Variants in FRMD4B observed in about 807,000 individuals in gnomAD.
FRMD4B encodes FERM domain-containing protein 4B.
Under a neutral mutation model 141.5 loss-of-function variants are expected in FRMD4B, and 74 were observed. That is an observed-to-expected ratio of 0.52 (90% CI 0.43 to 0.63). The LOEUF (loss-of-function observed/expected upper bound fraction) is 0.63. FRMD4B is among the 30% of genes least tolerant of loss of function. FRMD4B has a pLI of 0.00. For synonymous variants in FRMD4B, 506 were observed against 467.9 expected, an observed-to-expected ratio of 1.08 and a Z score of -1.05; for missense variants, 1,366 against 1,253.4, an observed-to-expected ratio of 1.09 and a Z score of -1.36.
chr3:69,312,194 A>C (rs748219269), intron 2 of FRMD4B, among the ~76,000 whole-genome samples: 23 of 152,166 alleles, frequency 1.5e-4, no homozygotes, highest in Non-Finnish European at 2.5e-4. Flanking sequence ...CTGGAGTGAT[A>C]ATTGATGCTG....
chr3:69,250,078 C>T lies in FRMD4B; in HGVS notation c.523G>A (p.Glu175Lys), dbSNP rs199692961. ...VHKGQIEVES[E>K]TIFKLAAFIL... ...AACGCTGCTAACTTGAAGATGGTTT[C>T]GCTCTCTACTTCGATTTGCCCCTGT... is the stretch of plus-strand genomic sequence containing the variant. Residue 175 changes from glutamate (E) to lysine (K), a missense_variant, in exon 6 of 23, where the codon GAA becomes AAA. Transcript: ENST00000398540. 2.0e-4 allele frequency: 318 copies of T among 1,611,072 alleles called. 1 individual carries two copies. The highest frequency in any genetic ancestry group is 1.6e-3 in the South Asian group (146 of 91,038).
chr3:69,507,036 C>A (rs1354392664), intron 1 of FRMD4B, among the ~76,000 whole-genome samples: 2 of 152,026 alleles, frequency 1.3e-5, no homozygotes, highest in Admixed American at 1.3e-4. Flanking sequence ...GAGTGTGGAC[C>A]TTCATAGAGA....
rs1704236024 is a variant in FRMD4B at position 69,385,769 on chromosome 3, C to A, written c.162+59G>T. Reference sequence around the variant, plus strand: ...AATAAAATCATACAGGTGGAGCCTGCTTCCCACGAGTGCCCGGCATCCTGC... The same window carrying A: ...AATAAAATCATACAGGTGGAGCCTGATTCCCACGAGTGCCCGGCATCCTGC... On this transcript the variant is annotated intron_variant, in intron 1 of 22. Coordinates refer to ENST00000398540, the MANE Select transcript of FRMD4B (RefSeq NM_015123.3). 3 of 1,401,384 alleles carry A rather than the reference C, an allele frequency of 2.1e-6. No homozygotes were observed. The East Asian group carries it at 8.1e-5, about 38-fold the overall frequency. The allele number at this position is 1,401,384 out of a possible 1,614,324, so 86.8% of individuals were successfully genotyped here. A position where few individuals can be genotyped will look rare whatever the true frequency, so the allele number is the denominator to read the frequency against.
chr3:69,173,410 A>T (rs2092608876), intron 22 of FRMD4B, among the ~76,000 whole-genome samples: 2 of 152,306 alleles, frequency 1.3e-5, no homozygotes, highest in Admixed American at 6.5e-5. Context: ...TATACACTTT[A>T]TTTAAAAAAA....
Position 69,188,697 on chromosome 3 carries a change from C to T in FRMD4B, c.1772-780G>A, listed in dbSNP as rs373537481. ...GCGTGAACCCGGGAAGCGGAGCTTG[C>T]AGTGAGCCGAGATTGCGCCACTGCA... On this transcript the variant is annotated intron_variant, in intron 18 of 22. Transcript: ENST00000398540. Among the ~76,000 whole-genome samples, 724 of 142,690 alleles carry T rather than the reference C, an allele frequency of 5.1e-3. 8 individuals carry two copies. The highest frequency in any genetic ancestry group is 0.018 in the African/African-American group (699 of 37,966). The allele number at this position is 142,690 out of a possible 152,430, so 93.6% of individuals were successfully genotyped here. A position where few individuals can be genotyped will look rare whatever the true frequency, so the allele number is the denominator to read the frequency against.
chr3:69,304,310 C>T (rs1436234853), intron 3 of FRMD4B, among the ~76,000 whole-genome samples: 1 of 151,838 alleles, frequency 6.6e-6, no homozygotes, highest in African/African-American at 2.4e-5. Context: ...ATGGTGAAAC[C>T]CTGTCTCTAC....
Position 69,234,707 on chromosome 3 carries a change from G to A in FRMD4B, c.582-10017C>T, listed in dbSNP as rs575687687. ...TTGTACCCTCGTACCCTGGCCAGCA[G>A]CATCAACATTATCGGATGACTTTCT... On this transcript the variant is annotated intron_variant, in intron 7 of 22. Coordinates refer to ENST00000398540, the MANE Select transcript of FRMD4B (RefSeq NM_015123.3). Among the ~76,000 whole-genome samples the A allele has an allele frequency of 3.8e-4, 58 of 152,292 alleles. 1 individual carries two copies. Among genetic ancestry groups the A allele is most frequent in the African/African-American group, 1.2e-3 (48 of 41,580 alleles).
rs964967396 is a variant in FRMD4B at position 69,216,193 on chromosome 3, G to A, written c.876+70C>T. 7.2e-5 allele frequency: 61 copies of A among 851,756 alleles called. No individual in the cohort carries two copies. The African/African-American group carries it at 9.1e-4, about 13-fold the overall frequency. The allele number at this position is 851,756 out of a possible 1,614,324, so 52.8% of individuals were successfully genotyped here. On this transcript the variant is annotated intron_variant, in intron 11 of 22. Coordinates refer to ENST00000398540, the MANE Select transcript of FRMD4B (RefSeq NM_015123.3). Reference sequence around the variant, plus strand: ...AAACCCCAACAACCTAATGGTGTGTGCTTTTCAACTATGTTGTGATTAACA... The same window carrying A: ...AAACCCCAACAACCTAATGGTGTGTACTTTTCAACTATGTTGTGATTAACA...
intron 1 of FRMD4B, among the ~76,000 whole-genome samples, chr3:69,440,526 T>A (rs1222457021): frequency 6.6e-6 from 1 of 152,206 alleles, no homozygotes; most frequent in East Asian, 1.9e-4. Context: ...TGAATGTGGC[T>A]GGGCATGGTG....
At chr3:69,529,919 G>A (rs1026657014) in intron 1 of FRMD4B, among the ~76,000 whole-genome samples, 1 of 152,198 alleles carries the variant, frequency 6.6e-6, no homozygotes, top group Admixed American at 6.5e-5. Flanking sequence ...GCCACTGATT[G>A]ACAACCACTA....
intron 1 of FRMD4B, among the ~76,000 whole-genome samples, chr3:69,371,518 T>C (rs530986015): frequency 6.6e-6 from 1 of 152,212 alleles, no homozygotes; most frequent in African/African-American, 2.4e-5. Context: ...AAAATCGCAC[T>C]GGAGGTGGGG....
chr3:69,215,678 T>C (rs1192722093), intron 11 of FRMD4B, among the ~76,000 whole-genome samples: 4 of 152,056 alleles, frequency 2.6e-5, no homozygotes, highest in East Asian at 3.8e-4. Context: ...ACAGAGATAA[T>C]AGCAGCAGAA....
chr3:69,343,874 C>A (rs1702834124), intron 1 of FRMD4B, among the ~76,000 whole-genome samples: 1 of 152,134 alleles, frequency 6.6e-6, no homozygotes, highest in Non-Finnish European at 1.5e-5. Context: ...ACCACCACAC[C>A]CGGCCCGTCT....
At chr3:69,326,563 C>T (rs1702199623) in intron 1 of FRMD4B, among the ~76,000 whole-genome samples, 2 of 152,182 alleles carry the variant, frequency 1.3e-5, no homozygotes, top group Non-Finnish European at 2.9e-5. Flanking sequence ...CTTTTACATA[C>T]ATTTTCCCCA....
intron 1 of FRMD4B, among the ~76,000 whole-genome samples, chr3:69,455,530 A>G (rs564836596): frequency 1.6e-4 from 25 of 152,302 alleles, no homozygotes; most frequent in African/African-American, 5.3e-4. Context: ...CAGCGAGACC[A>G]TTAACCGGTA....
chr3:69,367,185 A>T (rs1283156797), intron 1 of FRMD4B, among the ~76,000 whole-genome samples: 1 of 152,240 alleles, frequency 6.6e-6, no homozygotes, highest in Non-Finnish European at 1.5e-5. Flanking sequence ...GAAATGGTCT[A>T]CACAAGAGCC....
upstream of FRMD4B, among the ~76,000 whole-genome samples, chr3:69,388,690 G>T (rs111427429): frequency 2.2e-4 from 34 of 152,186 alleles, 1 homozygote; most frequent in African/African-American, 7.9e-4. Context: ...CAAAAAGTTT[G>T]GGGAAAATTA....
At chr3:69,190,992 G>T (rs2107633290) in intron 17 of FRMD4B, among the ~76,000 whole-genome samples, 1 of 152,312 alleles carries the variant, frequency 6.6e-6, no homozygotes, top group Non-Finnish European at 1.5e-5. Context: ...CGGATGTAAA[G>T]CCCCTAGCCC....
At chr3:69,270,635 G>A (rs1479945687) in intron 5 of FRMD4B, among the ~76,000 whole-genome samples, 3 of 146,780 alleles carry the variant, frequency 2.0e-5, no homozygotes, top group South Asian at 4.3e-4. Context: ...GCAGAATCTC[G>A]GCTCACTGCA....
Sources: gnomAD v4.1 joint callset for allele counts (sites outside exome capture counted in the v4.1 genomes callset) on GRCh38, gnomAD v4.1.1 for gene constraint, MANE v1.5 for transcripts, NCBI Gene and HGNC (gene_info 2026-07-23, HGNC 2026-07-21) for gene names.